GABBR2: variants seen among roughly 807,000 people sequenced by gnomAD.
GABBR2 encodes G-protein coupled receptor 51.
Under a neutral mutation model 105.6 loss-of-function variants are expected in GABBR2, and 23 were observed. That is an observed-to-expected ratio of 0.22 (90% CI 0.16 to 0.31). The LOEUF is 0.31. Among genes scored for constraint, GABBR2 ranks in the 10% least tolerant of loss-of-function variants. GABBR2 has a pLI of 1.00. For synonymous variants in GABBR2, 478 were observed against 499.7 expected (o/e 0.96, Z 0.58); for missense variants, 734 against 1,245.5 (o/e 0.59, Z 6.18).
chr9:98,384,270 T>C (rs796581330), intron 11 of GABBR2, among the ~76,000 whole-genome samples: 12 of 152,336 alleles, frequency 7.9e-5, no homozygotes, highest in African/African-American at 2.9e-4. Flanking sequence ...AGTAAGTTCA[T>C]GATATTTTCA....
At chr9:98,535,095 T>C (rs560877030) in intron 3 of GABBR2, among the ~76,000 whole-genome samples, 3 of 152,038 alleles carry the variant, frequency 2.0e-5, no homozygotes, top group Admixed American at 6.6e-5. Context: ...TTGAGGATAT[T>C]TTTTTTCAGG....
intron 13 of GABBR2, among the ~76,000 whole-genome samples, chr9:98,357,692 A>ACC (rs60451771): frequency 6.6e-6 from 1 of 151,676 alleles, no homozygotes; most frequent in African/African-American, 2.4e-5. Context: ...AAAAAAAAAA[A>ACC]CCCCACATCA....
chr9:98,318,896 TGTGTGTGTGTGTGTGTGTTGGGG>T (rs916482777), intron 13 of GABBR2, among the ~76,000 whole-genome samples: 70 of 131,468 alleles, frequency 5.3e-4, no homozygotes, highest in African/African-American at 1.6e-3. Flanking sequence ...TGAGTTTGTG[TGTGTGTGTGTGTGTGTGTTGGGG>T]GTGTGTGTGT....
intron 15 of GABBR2, among the ~76,000 whole-genome samples, chr9:98,304,852 C>T (rs988756282): frequency 5.0e-5 from 5 of 99,744 alleles, no homozygotes; most frequent in African/African-American, 2.1e-4. Context: ...CTCACCACAA[C>T]CTCTGCTCCT....
At chr9:98,618,466 GA>G (rs922328277) in intron 1 of GABBR2, among the ~76,000 whole-genome samples, 3 of 142,416 alleles carry the variant, frequency 2.1e-5, no homozygotes, top group South Asian at 2.2e-4. Flanking sequence ...CCATGCAAAG[GA>G]AAAAAAAAGG....
At chr9:98,684,000 T>G (rs1438351383) in intron 1 of GABBR2, among the ~76,000 whole-genome samples, 1 of 83,934 alleles carries the variant, frequency 1.2e-5, no homozygotes. Context: ...AGAGCGAGAC[T>G]CCATCTCAAA....
At chr9:98,551,842 C>T (rs1170024056) in intron 2 of GABBR2, among the ~76,000 whole-genome samples, 3 of 152,192 alleles carry the variant, frequency 2.0e-5, no homozygotes, top group African/African-American at 7.2e-5. Context: ...CATTTCCCCC[C>T]TTTTAGATGT....
Position 98,306,216 on chromosome 9 carries a change from G to A in GABBR2, c.2134C>T (p.Leu712=). The A allele has an allele frequency of 6.2e-7, 1 of 1,614,178 alleles. No individual in the cohort carries two copies. Among genetic ancestry groups the A allele is most frequent in the Non-Finnish European group, 8.5e-7 (1 of 1,180,010 alleles). The change falls in exon 15 of 19, where the codon CTG becomes TTG. Residue 712 remains leucine (L), a synonymous_variant. Transcript: ENST00000259455. The surrounding 1 kb of genome is among the most constrained non-coding windows in gnomAD (Gnocchi z 5.4). ...MCIIGAAVSF[L]TRDQPNVQFC... is the part of the protein sequence containing the mutation. The stretch of plus-strand genomic sequence containing the variant: ...TGCACATTGGGCTGGTCCCGGGTCA[G>A]GAAGGAGACAGCGGCCCCGATGATG...
intron 12 of GABBR2, 46 bp downstream of exon 12, chr9:98,371,418 C>T (rs752114833): frequency 5.9e-5 from 59 of 1,003,400 alleles, no homozygotes; most frequent in Non-Finnish European, 8.6e-5. Flanking sequence ...TAGATAAATG[C>T]TGGGTGAACA....
Position 98,290,502 on chromosome 9 carries a change from A to C in GABBR2, c.*82T>G. The stretch of plus-strand genomic sequence containing the variant: ...TGGTGCCCAGCTTCTCCGCAGCCAG[A>C]GCCGACAGTGTTTCTGCAGCAGACC... On this transcript the variant is annotated 3_prime_UTR_variant, in exon 19 of 19. Coordinates refer to ENST00000259455, the MANE Select transcript of GABBR2 (RefSeq NM_005458.8). 9.7e-7 allele frequency: 1 copy of C among 1,029,074 alleles called. No individual in the cohort carries two copies. The highest frequency in any genetic ancestry group is 1.3e-6 in the Non-Finnish European group (1 of 782,080). The allele number at this position is 1,029,074 out of a possible 1,614,324, so 63.7% of individuals were successfully genotyped here. A position where few individuals can be genotyped will look rare whatever the true frequency, so the allele number is the denominator to read the frequency against.
intron 5 of GABBR2, among the ~76,000 whole-genome samples, chr9:98,478,270 C>G (rs1826835572): frequency 6.6e-6 from 1 of 152,126 alleles, no homozygotes. Context: ...CAATAGAGAT[C>G]GGAAGGCTCT....
intron 5 of GABBR2, among the ~76,000 whole-genome samples, chr9:98,479,291 T>C (rs1263131463): frequency 1.3e-5 from 2 of 152,200 alleles, no homozygotes; most frequent in Admixed American, 6.5e-5. Flanking sequence ...TGGTATCTGC[T>C]GAGGGTTCAC....
At chr9:98,451,949 C>T (rs932646955) in intron 7 of GABBR2, among the ~76,000 whole-genome samples, 3 of 152,228 alleles carry the variant, frequency 2.0e-5, no homozygotes, top group African/African-American at 7.2e-5. Flanking sequence ...AAAACCTACC[C>T]TGACTTTTTC....
At chr9:98,615,161 C>A (rs1829561962) in intron 1 of GABBR2, among the ~76,000 whole-genome samples, 1 of 152,326 alleles carries the variant, frequency 6.6e-6, no homozygotes, top group Non-Finnish European at 1.5e-5. Context: ...CAGGATGCCA[C>A]CCAACTCACC....
At position 98,669,319 on chromosome 9, in the gene GABBR2, C is replaced by T. The variant is rs186903699; in HGVS notation, c.321+39098G>A. On this transcript the variant is annotated intron_variant, in intron 1 of 18. Transcript: ENST00000259455. ...TTTCCCTAAAGGTTGGTGAACTTGA[C>T]CATTTTTGCATGGGCTTAATGGCCA... Among the ~76,000 whole-genome samples the T allele has an allele frequency of 5.2e-3, 786 of 152,226 alleles. 6 individuals are homozygous for T. Among genetic ancestry groups the T allele is most frequent in the Admixed American group, 0.01 (156 of 15,276 alleles).
chr9:98,320,172 T>C (rs2131374427), intron 13 of GABBR2, among the ~76,000 whole-genome samples: 1 of 151,792 alleles, frequency 6.6e-6, no homozygotes, highest in Admixed American at 6.5e-5. Context: ...GCGAAGGACA[T>C]GAACAGACAC....
intron 1 of GABBR2, among the ~76,000 whole-genome samples, chr9:98,642,749 G>A (rs536962167): frequency 3.9e-5 from 6 of 152,174 alleles, no homozygotes; most frequent in Admixed American, 2.6e-4. Context: ...AGGCGTGCGC[G>A]TGTGTGTGTA....
At chr9:98,315,749 G>A (rs1830704654) in intron 13 of GABBR2, among the ~76,000 whole-genome samples, 1 of 152,238 alleles carries the variant, frequency 6.6e-6, no homozygotes, top group Non-Finnish European at 1.5e-5. Flanking sequence ...GTCCAGCCTG[G>A]TGGTGGTGGA....
chr9:98,633,861 T>C (rs1829846044), intron 1 of GABBR2, among the ~76,000 whole-genome samples: 1 of 152,072 alleles, frequency 6.6e-6, no homozygotes, highest in African/African-American at 2.4e-5. Flanking sequence ...TCAGGAGTGG[T>C]TCTGCCTTTG....
Sources: allele counts gnomAD v4.1 joint callset (sites outside exome capture counted in the v4.1 genomes callset), GRCh38; gene constraint gnomAD v4.1.1; non-coding constraint Gnocchi (gnomAD v3.1); transcripts MANE v1.5; gene names NCBI Gene and HGNC (gene_info 2026-07-23, HGNC 2026-07-21).